HSPA12A: variants seen among roughly 807,000 people sequenced by gnomAD.
HSPA12A encodes the protein heat shock protein family A (Hsp70) member 12A, also known as heat shock 70 kDa protein 12A.
In HSPA12A, 28 loss-of-function variants were observed where a neutral mutation model predicts 69.2. The ratio of observed to expected loss-of-function variants is 0.40; its 90% CI spans 0.30 to 0.55. The LOEUF (loss-of-function observed/expected upper bound fraction) is 0.55. HSPA12A is among the 20% of genes least tolerant of loss of function. The pLI is 0.38. For missense variants in HSPA12A, 686 were observed against 900.7 expected, an observed-to-expected ratio of 0.76 and a Z score of 3.05; for synonymous variants, 345 against 370.5, an observed-to-expected ratio of 0.93 and a Z score of 0.79.
intron 1 of HSPA12A, among the ~76,000 whole-genome samples, chr10:116,717,810 T>C (rs1297365901): frequency 2.0e-5 from 3 of 152,126 alleles, no homozygotes; most frequent in African/African-American, 7.2e-5. Context: ...TCTAGGCTTG[T>C]TAATCAAAGC....
chr10:116,756,423 G>A (rs1372135563), intron 2 of HSPA12A, among the ~76,000 whole-genome samples: 1 of 152,244 alleles, frequency 6.6e-6, no homozygotes, highest in Non-Finnish European at 1.5e-5. Flanking sequence ...GTGTGCTGGG[G>A]CCAAGGAATT....
intron 7 of HSPA12A, among the ~76,000 whole-genome samples, chr10:116,682,631 G>T (rs982380283): frequency 6.6e-6 from 1 of 152,136 alleles, no homozygotes; most frequent in Admixed American, 6.5e-5. Context: ...GCTATGAGAG[G>T]GCACAAATCA....
chr10:116,736,672 AG>A (rs1851325704), intron 1 of HSPA12A, among the ~76,000 whole-genome samples: 1 of 152,250 alleles, frequency 6.6e-6, no homozygotes, highest in Non-Finnish European at 1.5e-5. Context: ...AGATGGAGGA[AG>A]GGGCCACGAT....
intron 2 of HSPA12A, among the ~76,000 whole-genome samples, chr10:116,755,968 C>G (rs1254089139): frequency 7.9e-5 from 12 of 152,044 alleles, no homozygotes; most frequent in African/African-American, 2.9e-4. Context: ...GCCTGGGCAA[C>G]AGAGCAAGAC....
chr10:116,705,664 C>T (rs1850221210), intron 2 of HSPA12A, among the ~76,000 whole-genome samples: 2 of 152,236 alleles, frequency 1.3e-5, no homozygotes, highest in Non-Finnish European at 2.9e-5. Context: ...CTGTGCAGAC[C>T]TCTGGCCACT....
chr10:116,784,133 A>G (rs1232571821), intron 2 of HSPA12A, among the ~76,000 whole-genome samples: 1 of 152,272 alleles, frequency 6.6e-6, no homozygotes, highest in Non-Finnish European at 1.5e-5. Flanking sequence ...GCTAAGTGGG[A>G]CAGCCATGAC....
In HSPA12A at chr10:116,786,176, G is replaced by A. The variant is rs961641668; in HGVS notation, c.91+48759C>T. On this transcript the variant is annotated intron_variant, in intron 2 of 12. Transcript: ENST00000635765. ...GAGACTCTCAGCAAATCTCAGCAGT[G>A]GGGTTGCATGGAAGGCAGGGCTCCC... 2.6e-5 allele frequency among the ~76,000 whole-genome samples: 4 copies of A among 152,202 alleles called. No individual in the cohort carries two copies. The South Asian group carries it at 6.2e-4, about 24-fold the overall frequency.
chr10:116,726,529 C>T (rs1254509148), intron 1 of HSPA12A, among the ~76,000 whole-genome samples: 1 of 152,098 alleles, frequency 6.6e-6, no homozygotes, highest in South Asian at 2.1e-4. Flanking sequence ...TACCACCCCC[C>T]TTGTGAGTGC....
chr10:116,736,227 G>A (rs782046936), intron 1 of HSPA12A, among the ~76,000 whole-genome samples: 1 of 152,140 alleles, frequency 6.6e-6, no homozygotes, highest in African/African-American at 2.4e-5. Context: ...ATGTCTCTAA[G>A]GACCCTACTG....
chr10:116,817,194 A>T (rs980147048), intron 2 of HSPA12A, among the ~76,000 whole-genome samples: 4 of 151,536 alleles, frequency 2.6e-5, no homozygotes, highest in African/African-American at 9.7e-5. Flanking sequence ...TTTCCCGGGG[A>T]TTTAGAACAG....
intron 1 of HSPA12A, among the ~76,000 whole-genome samples, chr10:116,735,766 G>A (rs1165103695): frequency 2.6e-5 from 4 of 152,004 alleles, no homozygotes; most frequent in Non-Finnish European, 4.4e-5. Flanking sequence ...GGAGGCTGAG[G>A]CAGGAGGGTT....
intron 6 of HSPA12A, among the ~76,000 whole-genome samples, chr10:116,690,936 C>T (rs1638403): frequency 0.054 from 8,281 of 152,274 alleles, 413 homozygotes; most frequent in East Asian, 0.27. Flanking sequence ...AAACTCAGAA[C>T]GCCAGGTGGC....
At position 116,674,815 on chromosome 10, in the gene HSPA12A, C is replaced by T; in HGVS notation, c.1994G>A (p.Ser665Asn). The T allele has an allele frequency of 6.2e-7, 1 of 1,611,192 alleles. No homozygotes were observed. Among genetic ancestry groups the T allele is most frequent in the South Asian group, 1.1e-5 (1 of 91,064 alleles). The change falls in exon 12 of 12, where the codon AGT (serine) becomes AAT (asparagine). Residue 665 changes from serine to asparagine, a missense_variant. Coordinates refer to ENST00000369209, the MANE Select transcript of HSPA12A (RefSeq NM_025015.3). ...TAAGAAGTCGATCCCAACTTTGACA[C>T]TCTTCGAAGTGGCTATATCAATGGC... ...ATAIDIATSK[S>N]VKVGIDFLNY
upstream of HSPA12A, among the ~76,000 whole-genome samples, chr10:116,746,231 A>G (rs1462077819): frequency 1.3e-5 from 2 of 151,934 alleles, no homozygotes; most frequent in Non-Finnish European, 2.9e-5. Flanking sequence ...ATTCATGCAA[A>G]TAGAAGTCAG....
At chr10:116,793,371 G>T (rs1215017520) in intron 2 of HSPA12A, among the ~76,000 whole-genome samples, 1 of 152,076 alleles carries the variant, frequency 6.6e-6, no homozygotes, top group African/African-American at 2.4e-5. Flanking sequence ...AGGAATTTAA[G>T]ACCAGCCTAG....
At chr10:116,679,815 A>G (rs1206997050) in intron 9 of HSPA12A, 54 bp from the exon 10 acceptor site, 47 of 1,585,788 alleles carry the variant, frequency 3.0e-5, no homozygotes, top group Non-Finnish European at 3.9e-5. Flanking sequence ...TAGAAACCCA[A>G]TCCAGACTCT....
chr10:116,695,643 C>A (rs992383599), intron 5 of HSPA12A, among the ~76,000 whole-genome samples: 1 of 151,928 alleles, frequency 6.6e-6, no homozygotes, highest in Non-Finnish European at 1.5e-5. Flanking sequence ...GGTGAAACCC[C>A]GTCTCTACTA....
chr10:116,675,057 G>T lies in HSPA12A; in HGVS notation c.1752C>A (p.Val584=). The T allele has an allele frequency of 6.2e-7, 1 of 1,614,038 alleles. No individual in the cohort carries two copies. Among genetic ancestry groups the T allele is most frequent in the South Asian group, 1.1e-5 (1 of 91,074 alleles). Residue 584 remains valine (V), a synonymous_variant, in exon 12 of 12, where the codon GTC becomes GTA. Coordinates refer to ENST00000369209, the MANE Select transcript of HSPA12A (RefSeq NM_025015.3). This position sits in a 1 kb window ranked among gnomAD's most constrained non-coding sequence, Gnocchi z 5.2. ...ADQSVALGEL[V]KRSYTPAKPS... ...GCTTGGCCGGGGTGTAGCTACGCTT[G>T]ACCAGCTCACCCAGAGCCACAGACT...
chr10:116,777,973 G>A (rs1484960614), intron 2 of HSPA12A, among the ~76,000 whole-genome samples: 6 of 152,106 alleles, frequency 3.9e-5, no homozygotes, highest in South Asian at 4.2e-4. Flanking sequence ...TGATCCGCCC[G>A]CCTCAACCTC....
Sources: allele counts gnomAD v4.1 joint callset (sites outside exome capture counted in the v4.1 genomes callset), GRCh38; gene constraint gnomAD v4.1.1; non-coding constraint Gnocchi (gnomAD v3.1); transcripts MANE v1.5; gene names NCBI Gene and HGNC (gene_info 2026-07-23, HGNC 2026-07-21).